The following CD48 variants were observed in gnomAD, a reference collection of about 807,000 sequenced individuals.
CD48 encodes CD48 molecule, also known as CD48 antigen.
CD48 carries 20 observed loss-of-function variants against 22.0 expected under a neutral mutation model. The observed-to-expected ratio is 0.91, with a 90% confidence interval of 0.64 to 1.32. The LOEUF (loss-of-function observed/expected upper bound fraction) is 1.32. Among genes scored for constraint, CD48 ranks in the 40% most tolerant of loss-of-function variants. The probability of loss-of-function intolerance (pLI) is 0.00; values close to 1 mark genes in which losing one functional copy is unlikely to be tolerated. For missense variants in CD48, 307 were observed against 286.5 expected (o/e 1.07, Z -0.52); for synonymous variants, 110 against 110.1 (o/e 1.00, Z 0.01).
chr1:160,692,972 T>A (rs536502642), intron 1 of CD48, among the ~76,000 whole-genome samples: 1 of 115,950 alleles, frequency 8.6e-6, no homozygotes, highest in Non-Finnish European at 1.8e-5. Flanking sequence ...ACCCTCTCAA[T>A]TTTTACAATT....
intron 1 of CD48, among the ~76,000 whole-genome samples, chr1:160,706,011 C>G (rs1662782428): frequency 6.6e-6 from 1 of 152,110 alleles, no homozygotes; most frequent in Non-Finnish European, 1.5e-5. Flanking sequence ...GACTTACACT[C>G]AGGAAGATAG....
intron 1 of CD48, among the ~76,000 whole-genome samples, chr1:160,692,849 G>A (rs1302611529): frequency 2.6e-5 from 4 of 152,128 alleles, no homozygotes; most frequent in Non-Finnish European, 4.4e-5. Context: ...GAAAGAGGGA[G>A]TAAAACAGTA....
At chr1:160,693,738 C>T (rs1048749130) in intron 1 of CD48, among the ~76,000 whole-genome samples, 11 of 142,660 alleles carry the variant, frequency 7.7e-5, no homozygotes, top group African/African-American at 1.3e-4. Context: ...TAGTCAATGT[C>T]GTTCCAAATT....
intron 2 of CD48, chr1:160,684,557 C>T (rs913062450): frequency 6.7e-6 from 4 of 601,496 alleles, no homozygotes; most frequent in South Asian, 2.5e-5. Flanking sequence ...AGCCTAATTT[C>T]GGAGATATAA....
chr1:160,685,102 G>C lies in CD48; in HGVS notation c.170C>G (p.Thr57Ser), dbSNP rs747011159. Residue 57 changes from threonine to serine, a missense_variant, in exon 2 of 4, where the codon ACC becomes AGC. Coordinates refer to ENST00000368046, the MANE Select transcript of CD48 (RefSeq NM_001778.4). ...ESLPENYKQL[T>S]WFYTFDQKIV... ...CTTCTGGTCGAAAGTATAAAACCAG[G>C]TTAGTTGTTTGTAGTTCTCAGGCAG... The C allele has an allele frequency of 6.2e-7, 1 of 1,613,926 alleles. No homozygotes were observed. The highest frequency in any genetic ancestry group is 8.5e-7 in the Non-Finnish European group (1 of 1,179,930).
intron 1 of CD48, among the ~76,000 whole-genome samples, chr1:160,700,352 A>T (rs1378581967): frequency 6.6e-6 from 1 of 152,226 alleles, no homozygotes; most frequent in East Asian, 1.9e-4. Context: ...AGCCAATTTA[A>T]AGGAACTACA....
At position 160,711,790 on chromosome 1, in the gene CD48, G is replaced by A. The variant is rs765008985; in HGVS notation, c.-27C>T. The A allele has an allele frequency of 3.5e-5, 55 of 1,565,008 alleles. No homozygotes were observed. The highest frequency in any genetic ancestry group is 1.7e-4 in the Middle Eastern group (1 of 5,958). ...CTTCCTTCCAGAACTTCCCAGCAAC[G>A]CAGGAGACAGTTGAGAGCCTGGCTA... On this transcript the variant is annotated 5_prime_UTR_variant, in exon 1 of 4. Coordinates refer to ENST00000368046, the MANE Select transcript of CD48 (RefSeq NM_001778.4).
At chr1:160,704,662 T>A (rs1231896139) in intron 1 of CD48, among the ~76,000 whole-genome samples, 1 of 152,240 alleles carries the variant, frequency 6.6e-6, no homozygotes, top group Non-Finnish European at 1.5e-5. Flanking sequence ...CTATTTTTTA[T>A]GCTGTCATGT....
At chr1:160,681,602 T>G (rs1661806629) in intron 2 of CD48, 134 bp from the exon 3 acceptor site, 1 of 1,145,070 alleles carries the variant, frequency 8.7e-7, no homozygotes, top group Non-Finnish European at 1.2e-6. Flanking sequence ...GAAGAAGTTC[T>G]ACAGAGGGAG....
At chr1:160,681,639 G>A (rs1204455843) in intron 2 of CD48, among the ~76,000 whole-genome samples, 171 bp from the exon 3 acceptor site, 1 of 152,190 alleles carries the variant, frequency 6.6e-6, no homozygotes, top group Non-Finnish European at 1.5e-5. Flanking sequence ...ACCTCCTGAG[G>A]CCTCACAGAC....
intron 1 of CD48, among the ~76,000 whole-genome samples, chr1:160,690,583 C>T (rs886564001): frequency 3.9e-5 from 6 of 152,148 alleles, no homozygotes; most frequent in Non-Finnish European, 8.8e-5. Context: ...ACCAAACAGT[C>T]AACTTCATGG....
At chr1:160,711,596 T>C in intron 1 of CD48, 86 bp downstream of exon 1, 1 of 1,001,492 alleles carries the variant, frequency 1.0e-6, no homozygotes, top group South Asian at 1.3e-5. Context: ...ATCTGGCTTC[T>C]AGGGTTGAAC....
Position 160,685,205 on chromosome 1 carries a change from AGAGT to A in CD48, c.83-20_83-17del, listed in dbSNP as rs772496006. The A allele has an allele frequency of 1.1e-5, 17 of 1,592,788 alleles. No homozygotes were observed. In the Middle Eastern group the frequency reaches 5.1e-4, roughly 48 times the overall value. On this transcript the variant is annotated splice_polypyrimidine_tract_variant and intron_variant, in intron 1 of 3. Transcript: ENST00000368046. ...ACCAAGTGACCTGCCAATGAGATTC[AGAGT>A]GAGACCTGCGCTAGAGGAGGCAGTG...
In CD48 at chr1:160,681,380, G is replaced by T; in HGVS notation, c.474C>A (p.Gly158=). 1 of 1,614,100 alleles carries T rather than the reference G, an allele frequency of 6.2e-7. No homozygotes were observed. The highest frequency in any genetic ancestry group is 8.5e-7 in the Non-Finnish European group (1 of 1,179,994). ...CYLKLSCVIP[G]ESVNYTWYGD... is the part of the protein sequence containing the mutation. ...CATACCAGGTGTAGTTTACAGACTC[G>T]CCAGGTATCACACATGACAGTTTCA... The change falls in exon 3 of 4, where the codon GGC becomes GGA. Residue 158 remains glycine, a synonymous_variant. Coordinates refer to ENST00000368046, the MANE Select transcript of CD48 (RefSeq NM_001778.4).
At chr1:160,689,895 G>A (rs1303426973) in intron 1 of CD48, among the ~76,000 whole-genome samples, 3 of 152,156 alleles carry the variant, frequency 2.0e-5, no homozygotes, top group African/African-American at 7.2e-5. Flanking sequence ...CCATAACACT[G>A]ACTTGCCTTC....
Position 160,693,340 on chromosome 1 carries a change from T to A in CD48, c.83-8151A>T, listed in dbSNP as rs559674312. ...AGTTGATGGCATACGAAAACGCCAA[T>A]CCTGAGTGTCAATCAGCCATTAAGC... On this transcript the variant is annotated intron_variant, in intron 1 of 3. Transcript: ENST00000368046. Among the ~76,000 whole-genome samples the A allele has an allele frequency of 1.2e-4, 18 of 152,394 alleles. No individual in the cohort carries two copies. The South Asian group carries it at 3.5e-3, about 30-fold the overall frequency.
Position 160,691,545 on chromosome 1 carries a change from A to T in CD48, c.83-6356T>A, listed in dbSNP as rs137892476. The T allele has an allele frequency of 2.2e-3, 364 of 164,160 alleles. 1 individual carries two copies. The highest frequency in any genetic ancestry group is 3.7e-3 in the Non-Finnish European group (279 of 76,034). The allele number at this position is 164,160 out of a possible 1,614,324, so 10.2% of individuals were successfully genotyped here. On this transcript the variant is annotated intron_variant, in intron 1 of 3. Transcript: ENST00000368046. ...CACTATTGTCTTGTGACCCTGACAC[A>T]TCTCCCTCTCGGAGAAACACCCACG...
intron 1 of CD48, among the ~76,000 whole-genome samples, chr1:160,708,932 G>A (rs1662871231): frequency 6.6e-6 from 1 of 152,120 alleles, no homozygotes; most frequent in Non-Finnish European, 1.5e-5. Flanking sequence ...GGAGGCTTCT[G>A]CTGAGTGGCA....
At chr1:160,681,181 G>A (rs920145374) in intron 3 of CD48, 21 bp downstream of exon 3, 9 of 1,613,976 alleles carry the variant, frequency 5.6e-6, no homozygotes, top group Non-Finnish European at 7.6e-6. Flanking sequence ...GCCCCCCTCA[G>A]CTCCCAGGGA....
Sources: allele counts gnomAD v4.1 joint callset (sites outside exome capture counted in the v4.1 genomes callset), GRCh38; gene constraint gnomAD v4.1.1; transcripts MANE v1.5; gene names NCBI Gene and HGNC (gene_info 2026-07-23, HGNC 2026-07-21).